The following NT5DC1 variants were observed in gnomAD, a reference collection of about 807,000 sequenced individuals.
The protein encoded by NT5DC1 is 5'-nucleotidase domain-containing protein 1.
A neutral mutation model predicts 59.4 loss-of-function variants in NT5DC1; 42 were observed. The ratio of observed to expected loss-of-function variants is 0.71; its 90% CI spans 0.55 to 0.92. The LOEUF (loss-of-function observed/expected upper bound fraction) is 0.92. NT5DC1 is among the 40% of genes least tolerant of loss of function. NT5DC1 has a pLI of 0.00. For missense variants in NT5DC1, 501 were observed against 537.1 expected (o/e 0.93, Z 0.66); for synonymous variants, 172 against 188.1 (o/e 0.91, Z 0.70).
Position 116,115,710 on chromosome 6 carries a change from CA to C in NT5DC1, c.386del (p.Asn129ThrfsTer18). On this transcript the variant is annotated frameshift_variant, in exon 5 of 12. Coordinates refer to ENST00000319550, the MANE Select transcript of NT5DC1 (RefSeq NM_152729.3). LOFTEE classifies it high-confidence loss of function. ...CRSGKYYFYDNYFDLPGALLC... is the reference protein window; with the variant it reads ...CRSGKYYFYDXYFDLPGALLC... ...TTTTAGGAAAGTATTACTTTTACGA[CA>C]ACTACTTTGACCTGCCAGGAGCTCT... The C allele has an allele frequency of 6.3e-7, 1 of 1,597,502 alleles. No individual in the cohort carries two copies. The highest frequency in any genetic ancestry group is 8.6e-7 in the Non-Finnish European group (1 of 1,165,092).
rs886060992 is a variant in NT5DC1, at chr6:116,121,483, T to C, written c.529+3538T>C. On this transcript the variant is annotated intron_variant, in intron 6 of 11. Transcript: ENST00000319550. ...CCACTCCAGGAGGGCCAGATGGTCC[T>C]GTGGGACCCTGAGGGCCTGGAAGAC... 30 of 1,614,044 alleles carry C rather than the reference T, an allele frequency of 1.9e-5. No individual in the cohort carries two copies. The highest frequency in any genetic ancestry group is 2.4e-5 in the Non-Finnish European group (28 of 1,180,020).
At chr6:116,120,098 G>A (rs545858787) in intron 6 of NT5DC1, 5 of 1,614,060 alleles carry the variant, frequency 3.1e-6, no homozygotes, top group African/African-American at 2.7e-5. Flanking sequence ...TAGGAATCCT[G>A]AGAAAGAGGA....
Position 116,147,427 on chromosome 6 carries a change from G to A in NT5DC1, c.529+29482G>A, listed in dbSNP as rs910456293. Among the ~76,000 whole-genome samples, 4 of 151,468 alleles carry A rather than the reference G, an allele frequency of 2.6e-5. No individual in the cohort carries two copies. The South Asian group carries it at 6.3e-4, about 24-fold the overall frequency. ...ATTGCACTCCAACCTGGGCAACAGA[G>A]CGAGACTACATCTCAAAAAAGAAAA... On this transcript the variant is annotated intron_variant, in intron 6 of 11. Coordinates refer to ENST00000319550, the MANE Select transcript of NT5DC1 (RefSeq NM_152729.3).
In NT5DC1 at chr6:116,235,535, T is replaced by C. The variant is rs757071254; in HGVS notation, c.803-1431T>C. Among the ~76,000 whole-genome samples the C allele has an allele frequency of 5.3e-5, 8 of 152,264 alleles. No homozygotes were observed. In the South Asian group the frequency reaches 1.7e-3, roughly 31 times the overall value. Reference sequence around the variant, plus strand: ...CTGTAATTATCTATAAATGTAGTTTTAGAATTTTGTTTAAAATATCTGAGG... The same window carrying C: ...CTGTAATTATCTATAAATGTAGTTTCAGAATTTTGTTTAAAATATCTGAGG... On this transcript the variant is annotated intron_variant, in intron 8 of 11. Coordinates refer to ENST00000319550, the MANE Select transcript of NT5DC1 (RefSeq NM_152729.3).
In NT5DC1 at chr6:116,152,371, G is replaced by A. The variant is rs73772294; in HGVS notation, c.529+34426G>A. Among the ~76,000 whole-genome samples the A allele has an allele frequency of 4.9e-3, 739 of 151,916 alleles. 12 individuals are homozygous for A. Among genetic ancestry groups the A allele is most frequent in the South Asian group, 0.044 (209 of 4,802 alleles). On this transcript the variant is annotated intron_variant, in intron 6 of 11. Coordinates refer to ENST00000319550, the MANE Select transcript of NT5DC1 (RefSeq NM_152729.3). ...TTCTTTCTGGCCTCTGCTTTTCACC[G>A]TGAGGTAGATTCCCTTGCCTCTTGT...
chr6:116,234,874 G>T (rs1468244792), intron 8 of NT5DC1, among the ~76,000 whole-genome samples: 1 of 152,152 alleles, frequency 6.6e-6, no homozygotes, highest in Non-Finnish European at 1.5e-5. Flanking sequence ...AATTCTCTGA[G>T]TCTTGCAGCT....
intron 6 of NT5DC1, among the ~76,000 whole-genome samples, chr6:116,197,889 CAT>C (rs3830863): frequency 0.049 from 7,518 of 152,128 alleles, 324 homozygotes; most frequent in African/African-American, 0.11. Context: ...TTTATATACA[CAT>C]GTCTACTTCA....
chr6:116,140,348 TC>T (rs1200378398), intron 6 of NT5DC1, among the ~76,000 whole-genome samples: 2 of 152,154 alleles, frequency 1.3e-5, no homozygotes, highest in Non-Finnish European at 2.9e-5. Flanking sequence ...CCTTTGCTCT[TC>T]TGGGCACATC....
chr6:116,204,464 G>A (rs1425475039), intron 6 of NT5DC1, among the ~76,000 whole-genome samples: 3 of 151,952 alleles, frequency 2.0e-5, no homozygotes, highest in Non-Finnish European at 2.9e-5. Context: ...AGATCTGACA[G>A]TATGACCTGA....
chr6:116,182,222 A>AGAGTGTGTGTGTGTGTGTGTGTGTGT (rs148509481), intron 6 of NT5DC1, among the ~76,000 whole-genome samples: 25 of 124,602 alleles, frequency 2.0e-4, no homozygotes, highest in Non-Finnish European at 3.6e-4. Context: ...TTCCATGGAG[A>AGAGTGTGTGTGTGTGTGTGTGTGTGT]GTGTGTGTGT....
At chr6:116,211,818 G>A (rs1185925175) in intron 6 of NT5DC1, among the ~76,000 whole-genome samples, 2 of 152,014 alleles carry the variant, frequency 1.3e-5, no homozygotes, top group African/African-American at 4.8e-5. Context: ...GAGAATCTAA[G>A]TCTGTGGTTC....
At position 116,245,728 on chromosome 6, in the gene NT5DC1, T is replaced by C. The variant is rs1771834794; in HGVS notation, c.*1704T>C. 1 of 152,158 alleles carries C rather than the reference T, an allele frequency of 6.6e-6. No homozygotes were observed. 9.4% of individuals were successfully genotyped at this position (152,158 alleles called of 1,614,324 possible). Reference sequence around the variant, plus strand: ...CTGTAAATGGCAAATAATACATCTTTAAATGCTTATGAACTACTGTTAATA... The same window carrying C: ...CTGTAAATGGCAAATAATACATCTTCAAATGCTTATGAACTACTGTTAATA... On this transcript the variant is annotated 3_prime_UTR_variant, in exon 12 of 12. Coordinates refer to ENST00000319550, the MANE Select transcript of NT5DC1 (RefSeq NM_152729.3).
At chr6:116,237,494 C>T (rs1433824677) in intron 9 of NT5DC1, 3 of 457,782 alleles carry the variant, frequency 6.6e-6, no homozygotes, top group Middle Eastern at 3.3e-4. Context: ...GCTGAGAGAT[C>T]GTGGGGTAAC....
At chr6:116,234,821 C>T (rs74417447) in intron 8 of NT5DC1, among the ~76,000 whole-genome samples, 15,289 of 152,130 alleles carry the variant, frequency 0.1, 1,272 homozygotes, top group African/African-American at 0.23. Flanking sequence ...CTCAGTTCTG[C>T]GGCTTTCACA....
At chr6:116,112,874 C>T (rs1778905956) in intron 4 of NT5DC1, among the ~76,000 whole-genome samples, 1 of 152,132 alleles carries the variant, frequency 6.6e-6, no homozygotes, top group African/African-American at 2.4e-5. Context: ...ATATTTGTAG[C>T]TTTCTTCTAC....
intron 6 of NT5DC1, among the ~76,000 whole-genome samples, chr6:116,189,538 C>T (rs982601560): frequency 1.2e-4 from 18 of 151,886 alleles, no homozygotes; most frequent in Admixed American, 6.6e-5. Context: ...AACATATAAA[C>T]GAATGAGTAT....
At chr6:116,231,705 GA>G (rs1464900884) in intron 8 of NT5DC1, among the ~76,000 whole-genome samples, 1 of 152,122 alleles carries the variant, frequency 6.6e-6, no homozygotes, top group Non-Finnish European at 1.5e-5. Flanking sequence ...ACTTGTAACA[GA>G]AAAACATTGG....
chr6:116,139,046 G>A (rs1315291962), intron 6 of NT5DC1, among the ~76,000 whole-genome samples: 1 of 152,032 alleles, frequency 6.6e-6, no homozygotes, highest in Non-Finnish European at 1.5e-5. Flanking sequence ...TTTAGAAAAT[G>A]ACTGATAAAA....
intron 6 of NT5DC1, among the ~76,000 whole-genome samples, chr6:116,188,372 C>T (rs1042410702): frequency 6.6e-5 from 10 of 152,042 alleles, no homozygotes; most frequent in African/African-American, 1.9e-4. Context: ...TAGTGGCATT[C>T]ACTATTACAC....
Sources: allele counts gnomAD v4.1 joint callset (sites outside exome capture counted in the v4.1 genomes callset), GRCh38; gene constraint gnomAD v4.1.1; transcripts MANE v1.5; gene names NCBI Gene and HGNC (gene_info 2026-07-23, HGNC 2026-07-21).